Variants in STK3 observed in about 807,000 individuals in gnomAD.
STK3 encodes serine/threonine kinase 3.
A neutral mutation model predicts 58.0 loss-of-function variants in STK3; 41 were observed. The observed-to-expected ratio is 0.71, with a 90% CI of 0.55 to 0.92. The LOEUF (loss-of-function observed/expected upper bound fraction) is 0.92. Among genes scored for constraint, STK3 ranks in the 40% least tolerant of loss-of-function variants. The pLI is 0.00. For synonymous variants in STK3, 170 were observed against 191.0 expected, an observed-to-expected ratio of 0.89 and a Z score of 0.91; for missense variants, 479 against 602.7, an observed-to-expected ratio of 0.79 and a Z score of 2.15.
intron 1 of STK3, among the ~76,000 whole-genome samples, chr8:98,815,355 G>T (rs1311068613): frequency 1.3e-5 from 2 of 152,288 alleles, no homozygotes; most frequent in African/African-American, 4.8e-5. Flanking sequence ...TGAATAAAAT[G>T]CTATTAAAAA....
intron 6 of STK3, among the ~76,000 whole-genome samples, chr8:98,611,700 T>C (rs868699017): frequency 1.4e-4 from 22 of 152,314 alleles, no homozygotes; most frequent in Non-Finnish European, 2.8e-4. Flanking sequence ...ACTGGCTACA[T>C]ATTAGAATCA....
intron 4 of STK3, among the ~76,000 whole-genome samples, chr8:98,710,564 C>A (rs1301315156): frequency 2.0e-5 from 3 of 152,208 alleles, no homozygotes; most frequent in African/African-American, 2.4e-5. Flanking sequence ...AGTGTGAGAT[C>A]AAACTGCAAT....
intron 2 of STK3, among the ~76,000 whole-genome samples, chr8:98,372,406 C>T (rs1371576751): frequency 2.6e-5 from 4 of 152,204 alleles, no homozygotes; most frequent in Admixed American, 6.5e-5. Context: ...ACAGCCAGGA[C>T]GCCACAGCTC....
At chr8:98,632,163 G>A (rs1229866736) in intron 6 of STK3, among the ~76,000 whole-genome samples, 2 of 152,160 alleles carry the variant, frequency 1.3e-5, no homozygotes, top group Non-Finnish European at 2.9e-5. Flanking sequence ...ACCTCGCAAA[G>A]AGACAAAACT....
At chr8:98,415,110 C>G (rs887748954) in intron 3 of STK3, among the ~76,000 whole-genome samples, 2 of 152,194 alleles carry the variant, frequency 1.3e-5, no homozygotes, top group Admixed American at 6.5e-5. Context: ...AGTTCACTCT[C>G]TTCCACCCTC....
intron 10 of STK3, among the ~76,000 whole-genome samples, chr8:98,476,367 T>C (rs948155941): frequency 6.6e-6 from 1 of 152,166 alleles, no homozygotes; most frequent in Non-Finnish European, 1.5e-5. Context: ...TCCAAGGTAA[T>C]TATCAGGACT....
At chr8:98,710,300 C>A (rs529621493) in intron 4 of STK3, among the ~76,000 whole-genome samples, 1 of 152,236 alleles carries the variant, frequency 6.6e-6, no homozygotes, top group South Asian at 2.1e-4. Context: ...GGGTGCAAGA[C>A]AGTGGGTACA....
At chr8:98,857,893 C>T (rs936669288) in intron 3 of STK3, among the ~76,000 whole-genome samples, 1 of 151,780 alleles carries the variant, frequency 6.6e-6, no homozygotes, top group Non-Finnish European at 1.5e-5. Flanking sequence ...AGGAGAATAA[C>T]AGAATCAGTT....
chr8:98,507,357 T>C (rs1449036318), intron 10 of STK3, among the ~76,000 whole-genome samples: 1 of 152,196 alleles, frequency 6.6e-6, no homozygotes, highest in Non-Finnish European at 1.5e-5. Context: ...CAAAAAACCT[T>C]GGAATTATCC....
At chr8:98,456,237 G>C (rs1259146627) in intron 10 of STK3, among the ~76,000 whole-genome samples, 1 of 152,204 alleles carries the variant, frequency 6.6e-6, no homozygotes, top group African/African-American at 2.4e-5. Context: ...CCGATCCTCT[G>C]CCTTTAATAA....
chr8:98,449,860 GTCC>G (rs1819121385), downstream of STK3, among the ~76,000 whole-genome samples: 2 of 152,200 alleles, frequency 1.3e-5, no homozygotes, highest in African/African-American at 4.8e-5. Context: ...AAAGAAAGAT[GTCC>G]TCTCATATTT....
chr8:98,660,882 TGAA>T (rs909167712), intron 6 of STK3, among the ~76,000 whole-genome samples: 1 of 151,874 alleles, frequency 6.6e-6, no homozygotes, highest in Non-Finnish European at 1.5e-5. Context: ...TCCTCAAAAA[TGAA>T]GAAGAAATTA....
At chr8:98,811,099 G>A (rs1288933482) in intron 1 of STK3, among the ~76,000 whole-genome samples, 1 of 152,100 alleles carries the variant, frequency 6.6e-6, no homozygotes, top group African/African-American at 2.4e-5. Flanking sequence ...CTTTATACTA[G>A]CAACACAAAA....
chr8:98,446,082 T>A (rs1157060055), intron 1 of STK3, among the ~76,000 whole-genome samples: 1 of 152,234 alleles, frequency 6.6e-6, no homozygotes, highest in Non-Finnish European at 1.5e-5. Flanking sequence ...CACCGAAAGG[T>A]ATGCTAGACA....
intron 9 of STK3, among the ~76,000 whole-genome samples, chr8:98,532,637 A>G (rs1290180157): frequency 2.0e-5 from 3 of 152,212 alleles, no homozygotes; most frequent in Non-Finnish European, 4.4e-5. Context: ...ATGTCTGTGA[A>G]GCACAAAAAA....
chr8:98,905,051 G>A (rs1838836197), intron 1 of STK3: 1 of 985,294 alleles, frequency 1.0e-6, no homozygotes, highest in African/African-American at 1.6e-5. Context: ...ATTCCCCATA[G>A]CCCATGGTGT....
At chr8:98,562,496 T>C (rs921067550) in intron 8 of STK3, among the ~76,000 whole-genome samples, 3 of 151,358 alleles carry the variant, frequency 2.0e-5, no homozygotes, top group Non-Finnish European at 2.9e-5. Flanking sequence ...AGATCAGCGG[T>C]TGAAAGGGGG....
intron 3 of STK3, among the ~76,000 whole-genome samples, chr8:98,873,326 G>A (rs1444403328): frequency 1.3e-5 from 2 of 152,320 alleles, no homozygotes; most frequent in East Asian, 1.9e-4. Context: ...TTGATTTGGG[G>A]TGGAGAGTTC....
chr8:98,578,659 T>C (rs998444016), intron 8 of STK3, among the ~76,000 whole-genome samples: 5 of 152,218 alleles, frequency 3.3e-5, no homozygotes, highest in Non-Finnish European at 7.3e-5. Flanking sequence ...AACTGTAAGA[T>C]TTTTAAAATG....
Sources: gnomAD v4.1 joint callset for allele counts (sites outside exome capture counted in the v4.1 genomes callset) on GRCh38, gnomAD v4.1.1 for gene constraint, MANE v1.5 for transcripts, NCBI Gene and HGNC (gene_info 2026-07-23, HGNC 2026-07-21) for gene names.